Variants in FBXL17 observed in about 807,000 individuals in gnomAD.
FBXL17 encodes F-box and leucine rich repeat protein 17.
FBXL17 carries 22 observed loss-of-function variants against 66.2 expected under a neutral mutation model. That is an observed-to-expected ratio of 0.33 (90% confidence interval 0.24 to 0.47). FBXL17 has a LOEUF of 0.47. Among genes scored for constraint, FBXL17 ranks in the 20% least tolerant of loss-of-function variants. The probability of loss-of-function intolerance (pLI) is 1.00; values close to 1 mark genes in which losing one functional copy is unlikely to be tolerated. For synonymous variants in FBXL17, 474 were observed against 400.5 expected (o/e 1.18, Z -2.19); for missense variants, 878 against 948.2 (o/e 0.93, Z 0.97).
chr5:108,118,564 T>C (rs116647669), intron 6 of FBXL17, among the ~76,000 whole-genome samples: 1,639 of 152,342 alleles, frequency 0.011, 40 homozygotes, highest in African/African-American at 0.037. Flanking sequence ...ATAATTTGTT[T>C]CCCTGGACCT....
intron 3 of FBXL17, among the ~76,000 whole-genome samples, chr5:108,362,886 A>C (rs935259175): frequency 6.6e-6 from 1 of 152,072 alleles, no homozygotes; most frequent in Admixed American, 6.6e-5. Context: ...TCATTCTAAA[A>C]CATTTCTCAA....
intron 6 of FBXL17, among the ~76,000 whole-genome samples, chr5:108,156,901 A>T (rs929218682): frequency 2.6e-5 from 4 of 151,976 alleles, no homozygotes; most frequent in Non-Finnish European, 4.4e-5. Context: ...AATTAAAACA[A>T]TTAAATTAGT....
intron 7 of FBXL17, among the ~76,000 whole-genome samples, chr5:107,999,424 T>G (rs10055821): frequency 0.11 from 16,711 of 148,506 alleles, 1,017 homozygotes; most frequent in East Asian, 0.16. Context: ...TTTTTGAAAT[T>G]TACTTTTTTT....
At chr5:108,112,800 T>A (rs1242601216) in intron 6 of FBXL17, among the ~76,000 whole-genome samples, 1 of 121,274 alleles carries the variant, frequency 8.2e-6, no homozygotes, top group Non-Finnish European at 2.0e-5. Flanking sequence ...TATGCTAATA[T>A]GCTTCAAGGT....
rs543864682 is a variant in FBXL17 at position 107,931,685 on chromosome 5, T to C, written c.1823-50506A>G. Among the ~76,000 whole-genome samples the C allele has an allele frequency of 7.2e-5, 11 of 152,310 alleles. No homozygotes were observed. The Middle Eastern group carries it at 0.01, about 141-fold the overall frequency. The stretch of plus-strand genomic sequence containing the variant: ...TTCAAAACAGAGTCTCTAGAATATG[T>C]TTAATTTCTGTTAAAAGTTAAAGAC... On this transcript the variant is annotated intron_variant, in intron 7 of 8. Coordinates refer to ENST00000542267, the MANE Select transcript of FBXL17 (RefSeq NM_001163315.3).
chr5:108,028,320 A>C (rs1210756440), intron 6 of FBXL17, among the ~76,000 whole-genome samples: 1 of 152,146 alleles, frequency 6.6e-6, no homozygotes, highest in Non-Finnish European at 1.5e-5. Context: ...AATTTAGGTG[A>C]AATATTAAAC....
chr5:108,019,100 C>T (rs1754489871), intron 7 of FBXL17, among the ~76,000 whole-genome samples: 1 of 152,104 alleles, frequency 6.6e-6, no homozygotes, highest in Admixed American at 6.6e-5. Flanking sequence ...TTATCCCACT[C>T]CTGTAGAAAA....
intron 7 of FBXL17, among the ~76,000 whole-genome samples, chr5:107,971,056 T>C (rs892139465): frequency 6.6e-6 from 1 of 152,228 alleles, no homozygotes; most frequent in Non-Finnish European, 1.5e-5. Context: ...CTATAAAACA[T>C]GTTTTGAAGT....
chr5:108,204,494 G>A (rs7729743), intron 5 of FBXL17, among the ~76,000 whole-genome samples: 2 of 152,020 alleles, frequency 1.3e-5, no homozygotes, highest in African/African-American at 4.8e-5. Context: ...CCTAAAAAAA[G>A]GTCTTCTTGA....
intron 6 of FBXL17, among the ~76,000 whole-genome samples, chr5:108,085,209 C>A (rs1339372262): frequency 6.6e-6 from 1 of 152,186 alleles, no homozygotes; most frequent in Non-Finnish European, 1.5e-5. Flanking sequence ...TAATTTTAAC[C>A]ACAAGTAACA....
chr5:108,197,302 T>C lies in FBXL17; in HGVS notation c.1615-11055A>G, dbSNP rs911283915. On this transcript the variant is annotated intron_variant, in intron 5 of 8. Transcript: ENST00000542267. ...TTAAAGAAGAAAACAAATCAAAGCT[T>C]AAGTAAATTAAGGGTAAATTAAGTC... Among the ~76,000 whole-genome samples the C allele has an allele frequency of 2.0e-5, 3 of 152,276 alleles. No homozygotes were observed. In the South Asian group the frequency reaches 6.2e-4, roughly 32 times the overall value.
At chr5:108,066,723 T>C (rs1224503668) in intron 6 of FBXL17, among the ~76,000 whole-genome samples, 1 of 151,980 alleles carries the variant, frequency 6.6e-6, no homozygotes, top group Non-Finnish European at 1.5e-5. Flanking sequence ...TAAACTTACA[T>C]ATTTTCACAA....
intron 6 of FBXL17, among the ~76,000 whole-genome samples, chr5:108,053,367 T>A (rs1747556995): frequency 6.6e-6 from 1 of 151,442 alleles, no homozygotes; most frequent in Admixed American, 6.6e-5. Flanking sequence ...AACAACCCTA[T>A]CAAAAAGTGG....
At chr5:108,041,409 TTTTTG>T (rs552463697) in intron 6 of FBXL17, among the ~76,000 whole-genome samples, 2 of 152,066 alleles carry the variant, frequency 1.3e-5, no homozygotes, top group African/African-American at 2.4e-5. Flanking sequence ...CCTTTTTGTT[TTTTTG>T]TTTTGTTTTG....
intron 6 of FBXL17, among the ~76,000 whole-genome samples, chr5:108,063,740 C>T (rs1327261840): frequency 6.6e-6 from 1 of 151,866 alleles, no homozygotes; most frequent in Non-Finnish European, 1.5e-5. Context: ...AACTGAAAAT[C>T]CATGGGGAAA....
In FBXL17 at chr5:107,861,735, A is replaced by T; in HGVS notation, c.2091T>A (p.Ser697=). The change falls in exon 9 of 9, where the codon TCT becomes TCA. Residue 697 remains serine, a synonymous_variant. Coordinates refer to ENST00000542267, the MANE Select transcript of FBXL17 (RefSeq NM_001163315.3). ...AYQMGWTPNM[S]AASS is the part of the protein sequence containing the mutation. Reference sequence around the variant, plus strand: ...GGCAGGAGCGCTAGGAGGAGGCGGCAGACATGTTGGGGGTCCAGCCCATCT... The same window carrying T: ...GGCAGGAGCGCTAGGAGGAGGCGGCTGACATGTTGGGGGTCCAGCCCATCT... 1.3e-6 allele frequency: 2 copies of T among 1,578,470 alleles called. No individual in the cohort carries two copies. Among genetic ancestry groups the T allele is most frequent in the Non-Finnish European group, 1.7e-6 (2 of 1,159,464 alleles).
At chr5:108,121,301 T>C (rs576118232) in intron 6 of FBXL17, among the ~76,000 whole-genome samples, 14 of 152,168 alleles carry the variant, frequency 9.2e-5, no homozygotes, top group South Asian at 8.3e-4. Flanking sequence ...GCCCTCCAGA[T>C]TGGCAACAGA....
intron 6 of FBXL17, among the ~76,000 whole-genome samples, chr5:108,121,531 A>G (rs1290428095): frequency 6.6e-6 from 1 of 152,162 alleles, no homozygotes; most frequent in African/African-American, 2.4e-5. Flanking sequence ...AAAATGCTAC[A>G]TAAATCTAAT....
intron 6 of FBXL17, among the ~76,000 whole-genome samples, chr5:108,137,452 T>C (rs1218917880): frequency 6.6e-6 from 1 of 152,042 alleles, no homozygotes; most frequent in Non-Finnish European, 1.5e-5. Context: ...CAGAATCAGA[T>C]ACATCAGCCA....
Sources: allele counts gnomAD v4.1 joint callset (sites outside exome capture counted in the v4.1 genomes callset), GRCh38; gene constraint gnomAD v4.1.1; transcripts MANE v1.5; gene names NCBI Gene and HGNC (gene_info 2026-07-23, HGNC 2026-07-21).